Variants in KCNG3 observed in about 807,000 individuals in gnomAD.
KCNG3 encodes voltage-gated potassium channel regulatory subunit KCNG3.
In KCNG3, 15 loss-of-function variants were observed where a neutral mutation model predicts 29.0. That is an observed-to-expected ratio of 0.52 (90% CI 0.35 to 0.80). The LOEUF is 0.80. KCNG3 is among the 30% of genes least tolerant of loss of function. The probability of loss-of-function intolerance (pLI) is 0.01; values close to 1 mark genes in which losing one functional copy is unlikely to be tolerated. For missense variants in KCNG3, 512 were observed against 605.7 expected (o/e 0.85, Z 1.62); for synonymous variants, 322 against 248.9 (o/e 1.29, Z -2.76).
chr2:42,490,903 G>C (rs547299289), intron 1 of KCNG3, among the ~76,000 whole-genome samples: 2 of 152,162 alleles, frequency 1.3e-5, no homozygotes, highest in Non-Finnish European at 2.9e-5. Flanking sequence ...GAAGGGCAGA[G>C]GGGAGCTTCC....
At chr2:42,412,903 G>A in the KCNG3 span, among the ~76,000 whole-genome samples, 8 of 151,814 alleles carry the variant, frequency 5.3e-5, no homozygotes, top group African/African-American at 1.7e-4. Flanking sequence ...TAATTACTAC[G>A]TCACATTTTT....
At chr2:42,467,387 G>T (rs1363382657) in intron 1 of KCNG3, among the ~76,000 whole-genome samples, 6 of 152,160 alleles carry the variant, frequency 3.9e-5, no homozygotes, top group African/African-American at 7.2e-5. Flanking sequence ...TCAGTGAAAG[G>T]CCAGTCGCAG....
chr2:42,456,463 GCCATGATCGCA>G (rs1044959367), intron 1 of KCNG3, among the ~76,000 whole-genome samples: 1 of 152,080 alleles, frequency 6.6e-6, no homozygotes, highest in Non-Finnish European at 1.5e-5. Context: ...GCTGCAGTGG[GCCATGATCGCA>G]CCATATATTC....
chr2:42,431,241 A>T, the KCNG3 span, among the ~76,000 whole-genome samples: 3 of 152,182 alleles, frequency 2.0e-5, no homozygotes, highest in African/African-American at 7.2e-5. Flanking sequence ...ATTCCTAAGA[A>T]TAGCTGTTAT....
intron 1 of KCNG3, among the ~76,000 whole-genome samples, chr2:42,484,276 A>G (rs1472033534): frequency 6.6e-6 from 1 of 152,126 alleles, no homozygotes; most frequent in Non-Finnish European, 1.5e-5. Context: ...AGCCTGGCCA[A>G]CATGGTGAAA....
At chr2:42,458,507 G>A (rs1445307632) in intron 1 of KCNG3, among the ~76,000 whole-genome samples, 1 of 152,192 alleles carries the variant, frequency 6.6e-6, no homozygotes, top group East Asian at 1.9e-4. Context: ...CAAATGCAAA[G>A]GCAACAATAC....
chr2:42,442,416 T>G lies in KCNG3; in HGVS notation c.*1518A>C, dbSNP rs1484465164. The G allele has an allele frequency of 6.6e-6, 1 of 152,236 alleles. No individual in the cohort carries two copies. The highest frequency in any genetic ancestry group is 1.5e-5 in the Non-Finnish European group (1 of 68,030). 9.4% of individuals were successfully genotyped at this position (152,236 alleles called of 1,614,324 possible). ...GCTAGGTTTCTGGAGATCCAGGTGTTAGCCCTGACTCCTTCACAATTATAT... is the reference window on the plus strand; with the variant it reads ...GCTAGGTTTCTGGAGATCCAGGTGTGAGCCCTGACTCCTTCACAATTATAT... On this transcript the variant is annotated 3_prime_UTR_variant, in exon 2 of 2. Transcript: ENST00000306078.
intron 1 of KCNG3, among the ~76,000 whole-genome samples, chr2:42,475,101 G>T (rs779266294): frequency 7.0e-4 from 106 of 152,126 alleles, no homozygotes; most frequent in Admixed American, 2.0e-3. Flanking sequence ...AATATATTTT[G>T]ATACTTGAAA....
At chr2:42,411,147 T>C in the KCNG3 span, among the ~76,000 whole-genome samples, 1 of 152,236 alleles carries the variant, frequency 6.6e-6, no homozygotes, top group Admixed American at 6.5e-5. Context: ...TTGATATGTC[T>C]ATTCATTCAT....
At chr2:42,489,105 G>C (rs1673807444) in intron 1 of KCNG3, among the ~76,000 whole-genome samples, 1 of 150,490 alleles carries the variant, frequency 6.6e-6, no homozygotes, top group Non-Finnish European at 1.5e-5. Context: ...AACAGGCCTG[G>C]GCAACATAGT....
chr2:42,493,911 C>T lies in KCNG3; in HGVS notation c.-410G>A, dbSNP rs1370844495. ...GGAGCCGCCGGGGCGGAATAGCTCC[C>T]CGTCTCCGGCGCTCCCTGCGGCCGC... On this transcript the variant is annotated 5_prime_UTR_variant, in exon 1 of 2. Coordinates refer to ENST00000306078, the MANE Select transcript of KCNG3 (RefSeq NM_133329.6). 1 of 160,508 alleles carries T rather than the reference C, an allele frequency of 6.2e-6. No individual in the cohort carries two copies. The highest frequency in any genetic ancestry group is 1.4e-5 in the Non-Finnish European group (1 of 73,928). 9.9% of individuals were successfully genotyped at this position (160,508 alleles called of 1,614,324 possible).
At chr2:42,459,059 G>A (rs1672947673) in intron 1 of KCNG3, among the ~76,000 whole-genome samples, 1 of 152,046 alleles carries the variant, frequency 6.6e-6, no homozygotes, top group Non-Finnish European at 1.5e-5. Flanking sequence ...AGCTGGGCGT[G>A]GTGGCACACG....
At chr2:42,421,723 T>G in the KCNG3 span, among the ~76,000 whole-genome samples, 9 of 152,014 alleles carry the variant, frequency 5.9e-5, no homozygotes, top group East Asian at 1.7e-3. Flanking sequence ...ATCTTAGAAT[T>G]GGGGAAAAAA....
At chr2:42,490,615 C>T (rs1047077012) in intron 1 of KCNG3, among the ~76,000 whole-genome samples, 2 of 152,112 alleles carry the variant, frequency 1.3e-5, no homozygotes, top group Non-Finnish European at 2.9e-5. Context: ...TTCTTTACAA[C>T]AGAAAGTTAC....
At chr2:42,400,659 A>G in the KCNG3 span, among the ~76,000 whole-genome samples, 1 of 152,214 alleles carries the variant, frequency 6.6e-6, no homozygotes, top group South Asian at 2.1e-4. Context: ...ATAAATTGAG[A>G]CTAGGCTTAT....
intron 1 of KCNG3, among the ~76,000 whole-genome samples, chr2:42,491,562 A>G (rs948334012): frequency 6.6e-6 from 1 of 152,208 alleles, no homozygotes; most frequent in Non-Finnish European, 1.5e-5. Flanking sequence ...TTGTTGGAGA[A>G]CCAAATAAGT....
chr2:42,459,981 G>GAAAA (rs55965070), intron 1 of KCNG3, among the ~76,000 whole-genome samples: 2,475 of 145,502 alleles, frequency 0.017, 81 homozygotes, highest in African/African-American at 0.059. Flanking sequence ...ATCTCAAAAA[G>GAAAA]AAAAAAAAAA....
chr2:42,416,878 C>T, the KCNG3 span, among the ~76,000 whole-genome samples: 11 of 151,948 alleles, frequency 7.2e-5, no homozygotes, highest in African/African-American at 2.7e-4. Context: ...ATGTTAACTG[C>T]TCTGATTTGA....
At chr2:42,405,789 G>T in the KCNG3 span, among the ~76,000 whole-genome samples, 2 of 152,056 alleles carry the variant, frequency 1.3e-5, no homozygotes, top group Admixed American at 1.3e-4. Context: ...TTTATTTTTA[G>T]TAGTGATGGC....
Sources: allele counts gnomAD v4.1 joint callset (sites outside exome capture counted in the v4.1 genomes callset), GRCh38; gene constraint gnomAD v4.1.1; transcripts MANE v1.5; gene names NCBI Gene and HGNC (gene_info 2026-07-23, HGNC 2026-07-21).